The following ERG variants were observed in gnomAD, a reference collection of about 807,000 sequenced individuals.
ERG encodes the protein transcriptional regulator ERG.
ERG carries 9 observed loss-of-function variants against 55.3 expected under a neutral mutation model. The ratio of observed to expected loss-of-function variants is 0.16; its 90% CI spans 0.10 to 0.28. The LOEUF (loss-of-function observed/expected upper bound fraction) is 0.28, where lower values mean the gene tolerates loss of function less well. Among genes scored for constraint, ERG ranks in the 10% least tolerant of loss-of-function variants. ERG has a pLI of 1.00. For missense variants in ERG, 434 were observed against 631.6 expected, an observed-to-expected ratio of 0.69 and a Z score of 3.35; for synonymous variants, 223 against 237.3, an observed-to-expected ratio of 0.94 and a Z score of 0.55.
chr21:38,524,577 T>TA (rs1394285978), intron 2 of ERG, among the ~76,000 whole-genome samples: 1 of 152,192 alleles, frequency 6.6e-6, no homozygotes, highest in Non-Finnish European at 1.5e-5. Flanking sequence ...TGCTTCAATT[T>TA]AGAGTATTTT....
chr21:38,386,142 A>G (rs559387540), intron 9 of ERG, among the ~76,000 whole-genome samples: 1 of 152,340 alleles, frequency 6.6e-6, no homozygotes, highest in Non-Finnish European at 1.5e-5. Flanking sequence ...CAGGGGACCT[A>G]AATTTGTGGC....
At chr21:38,615,121 T>C (rs915232649) in intron 1 of ERG, among the ~76,000 whole-genome samples, 1 of 152,230 alleles carries the variant, frequency 6.6e-6, no homozygotes, top group Non-Finnish European at 1.5e-5. Flanking sequence ...TTAGAGACAC[T>C]ATTATTCAGT....
At chr21:38,557,891 G>A (rs1170777186) in intron 2 of ERG, among the ~76,000 whole-genome samples, 1 of 152,182 alleles carries the variant, frequency 6.6e-6, no homozygotes, top group Non-Finnish European at 1.5e-5. Flanking sequence ...TTAGGAAGAT[G>A]TACAAAGTGT....
chr21:38,463,363 T>C (rs2836421), intron 1 of ERG, among the ~76,000 whole-genome samples: 134,450 of 152,158 alleles, frequency 0.88, 59,702 homozygotes, highest in East Asian at 0.99. Context: ...AGGAACTACT[T>C]TAACAGAGGG....
chr21:38,386,826 G>T (rs375704449), intron 9 of ERG, among the ~76,000 whole-genome samples: 1 of 151,562 alleles, frequency 6.6e-6, no homozygotes, highest in Non-Finnish European at 1.5e-5. Context: ...ACATCCTTGC[G>T]ATGTCAGTAA....
At chr21:38,391,214 A>G (rs566355057) in intron 8 of ERG, among the ~76,000 whole-genome samples, 172 bp from the exon 9 acceptor site, 77 of 152,318 alleles carry the variant, frequency 5.1e-4, no homozygotes, top group South Asian at 1.0e-3. Flanking sequence ...GTCACACGGC[A>G]TCTCAGATGT....
chr21:38,649,932 C>G (rs372153212), intron 1 of ERG, among the ~76,000 whole-genome samples: 2 of 152,210 alleles, frequency 1.3e-5, no homozygotes, highest in African/African-American at 4.8e-5. Context: ...CACAGTCATG[C>G]TCCTTGGTCA....
chr21:38,593,366 A>C (rs1451388270), intron 1 of ERG, among the ~76,000 whole-genome samples: 3 of 152,252 alleles, frequency 2.0e-5, no homozygotes, highest in Non-Finnish European at 2.9e-5. Context: ...CCTTAAGCTC[A>C]ACTGGAAAAA....
chr21:38,538,389 A>G (rs2146789119), intron 2 of ERG, among the ~76,000 whole-genome samples: 1 of 152,328 alleles, frequency 6.6e-6, no homozygotes, highest in East Asian at 1.9e-4. Flanking sequence ...TCATTAAAAA[A>G]AAAAGAAGAT....
intron 3 of ERG, among the ~76,000 whole-genome samples, chr21:38,420,396 A>T (rs532540712): frequency 3.9e-5 from 6 of 152,338 alleles, no homozygotes; most frequent in Non-Finnish European, 7.3e-5. Flanking sequence ...TTGCAAAATC[A>T]GCCACAACTA....
intron 1 of ERG, among the ~76,000 whole-genome samples, chr21:38,466,300 G>GGTGTGTGAGT (rs1555903684): frequency 7.1e-6 from 1 of 140,604 alleles, no homozygotes; most frequent in African/African-American, 2.7e-5. Flanking sequence ...GATGGTCTGG[G>GGTGTGTGAGT]GTGTGTGTGT....
At chr21:38,537,781 TAG>T (rs1296360834) in intron 2 of ERG, among the ~76,000 whole-genome samples, 44 of 152,162 alleles carry the variant, frequency 2.9e-4, no homozygotes, top group African/African-American at 1.0e-3. Flanking sequence ...AAATTAAAAA[TAG>T]AATTAACATA....
intron 2 of ERG, among the ~76,000 whole-genome samples, chr21:38,433,924 T>C (rs552702491): frequency 1.3e-5 from 2 of 152,294 alleles, no homozygotes; most frequent in African/African-American, 2.4e-5. Context: ...ATCCTCTGAA[T>C]TCCTCTTGCA....
rs151109609 is a variant in ERG at position 38,446,412 on chromosome 21, T to A, written c.19-791A>T. 3.3e-3 allele frequency among the ~76,000 whole-genome samples: 507 copies of A among 152,294 alleles called. 2 individuals carry two copies. Among genetic ancestry groups the A allele is most frequent in the African/African-American group, 0.011 (477 of 41,544 alleles). On this transcript the variant is annotated intron_variant, in intron 1 of 9. Transcript: ENST00000288319. ...TTGTCATTGTTGGATCAATCATTTT[T>A]CGTGGTTTTAAGTCAAACAAGTGGT...
At chr21:38,585,154 G>A (rs940398738), upstream of ERG, among the ~76,000 whole-genome samples, 1 of 152,150 alleles carries the variant, frequency 6.6e-6, no homozygotes, top group Admixed American at 6.6e-5. Context: ...AGCAAAAATC[G>A]GGAGTGAAAG....
intron 3 of ERG, among the ~76,000 whole-genome samples, chr21:38,409,802 A>G (rs939893524): frequency 6.6e-6 from 1 of 152,230 alleles, no homozygotes; most frequent in Non-Finnish European, 1.5e-5. Flanking sequence ...TCAGATCAAC[A>G]AGGTCCTTGA....
intron 2 of ERG, among the ~76,000 whole-genome samples, chr21:38,432,930 T>C (rs1179383203): frequency 1.3e-5 from 2 of 152,216 alleles, no homozygotes; most frequent in African/African-American, 2.4e-5. Context: ...CACTATTAAG[T>C]ATTCTAAAAG....
chr21:38,553,321 G>C (rs2059836541), intron 2 of ERG, among the ~76,000 whole-genome samples: 1 of 152,098 alleles, frequency 6.6e-6, no homozygotes, highest in Non-Finnish European at 1.5e-5. Flanking sequence ...CATTTTCACA[G>C]AATTAGAAAA....
intron 1 of ERG, among the ~76,000 whole-genome samples, chr21:38,497,021 T>C (rs1035046789): frequency 1.3e-5 from 2 of 152,166 alleles, no homozygotes; most frequent in Non-Finnish European, 2.9e-5. Flanking sequence ...GCACATTAAC[T>C]CTCAATTTTA....
Sources: gnomAD v4.1 joint callset for allele counts (sites outside exome capture counted in the v4.1 genomes callset) on GRCh38, gnomAD v4.1.1 for gene constraint, MANE v1.5 for transcripts, NCBI Gene and HGNC (gene_info 2026-07-23, HGNC 2026-07-21) for gene names.